ZNF761: variants seen among roughly 807,000 people sequenced by gnomAD.
ZNF761 encodes zinc finger protein 761.
Under a neutral mutation model 59.9 loss-of-function variants are expected in ZNF761, and 43 were observed. That is an observed-to-expected ratio of 0.72 (90% CI 0.56 to 0.92). The LOEUF (loss-of-function observed/expected upper bound fraction) is 0.92, where lower values mean the gene tolerates loss of function less well. ZNF761 is among the 40% of genes least tolerant of loss of function. The probability of loss-of-function intolerance (pLI) is 0.00; values close to 1 mark genes in which losing one functional copy is unlikely to be tolerated. For missense variants in ZNF761, 850 were observed against 906.1 expected (o/e 0.94, Z 0.79); for synonymous variants, 294 against 304.8 (o/e 0.96, Z 0.37).
chr19:53,444,424 A>G (rs2086132759), intron 1 of ZNF761: 2 of 152,230 alleles, frequency 1.3e-5, no homozygotes, highest in Admixed American at 1.3e-4. Context: ...AAAGTCAAAC[A>G]TAAACCTGGC....
chr19:53,442,309 C>A, intron 1 of ZNF761: 2 of 1,257,594 alleles, frequency 1.6e-6, no homozygotes, highest in Non-Finnish European at 2.3e-6. Context: ...GCTGAGCTGG[C>A]AGAGTCCCGT....
chr19:53,449,649 C>T lies in ZNF761; in HGVS notation c.142+11C>T. 1 of 1,601,094 alleles carries T rather than the reference C, an allele frequency of 6.2e-7. No individual in the cohort carries two copies. ...ACCTGGTCTCCCTGGGTGAGGATAA[C>T]TTCCCTCCAGAAGTGGGAATGTGCC... On this transcript the variant is annotated intron_variant, in intron 4 of 4. Coordinates refer to ENST00000684525, the MANE Select transcript of ZNF761 (RefSeq NM_001289951.2).
At position 53,456,931 on chromosome 19, in the gene ZNF761, TAC is replaced by T; in HGVS notation, c.*185_*186del. 2 of 787,532 alleles carry T rather than the reference TAC, an allele frequency of 2.5e-6. No individual in the cohort carries two copies. Among genetic ancestry groups the T allele is most frequent in the Non-Finnish European group, 4.2e-6 (2 of 477,886 alleles). 48.8% of individuals were successfully genotyped at this position (787,532 alleles called of 1,614,324 possible). Reference sequence around the variant, plus strand: ...TAAATGTGAAGAATGTCACAAAGTTTACAGTCGCACATCAAACCGTGAAAGAC... The same window carrying T: ...TAAATGTGAAGAATGTCACAAAGTTTAGTCGCACATCAAACCGTGAAAGAC... On this transcript the variant is annotated 3_prime_UTR_variant, in exon 5 of 5. Transcript: ENST00000684525.
At chr19:53,444,889 T>A (rs1256944373) in intron 1 of ZNF761, 1 of 67,342 alleles carries the variant, frequency 1.5e-5, no homozygotes, top group Non-Finnish European at 4.3e-5. Flanking sequence ...CAAGACTCTT[T>A]ATATTATGTC....
rs753606512 is a variant in ZNF761, at chr19:53,456,429, A to G, written c.1922A>G (p.Lys641Arg). Residue 641 changes from lysine (K) to arginine (R), a missense_variant, in exon 5 of 5, where the codon AAA (lysine) becomes AGA (arginine). By Grantham distance (26) the Lys-to-Arg change is conservative. Coordinates refer to ENST00000684525, the MANE Select transcript of ZNF761 (RefSeq NM_001289951.2). ...EKPYKCEECDKAFRVKSNLEG... is the reference protein window; with the variant it reads ...EKPYKCEECDRAFRVKSNLEG... Reference sequence around the variant, plus strand: ...CCTTACAAATGTGAAGAATGTGACAAAGCTTTCCGTGTGAAATCAAACCTT... The same window carrying G: ...CCTTACAAATGTGAAGAATGTGACAGAGCTTTCCGTGTGAAATCAAACCTT... The G allele has an allele frequency of 1.5e-5, 25 of 1,613,408 alleles. No individual in the cohort carries two copies. The highest frequency in any genetic ancestry group is 1.6e-4 in the Middle Eastern group (1 of 6,074).
At chr19:53,451,777 C>CG (rs2086224421) in intron 4 of ZNF761, among the ~76,000 whole-genome samples, 1 of 141,280 alleles carries the variant, frequency 7.1e-6, no homozygotes, top group South Asian at 2.2e-4. Context: ...TTTTTAGAAA[C>CG]GGGGTTTCAC....
intron 1 of ZNF761, among the ~76,000 whole-genome samples, chr19:53,432,274 C>T (rs1165766101): frequency 6.6e-6 from 1 of 152,164 alleles, no homozygotes; most frequent in African/African-American, 2.4e-5. Context: ...TGTAGTTTTC[C>T]TGCTGTAAAC....
chr19:53,441,153 G>A (rs1296027086), intron 1 of ZNF761, among the ~76,000 whole-genome samples: 1 of 152,106 alleles, frequency 6.6e-6, no homozygotes, highest in Non-Finnish European at 1.5e-5. Context: ...ATGGTGGTGT[G>A]CACCTGTAGT....
At chr19:53,433,045 G>GAC (rs2085991511) in intron 1 of ZNF761, among the ~76,000 whole-genome samples, 1 of 19,798 alleles carries the variant, frequency 5.1e-5, no homozygotes, top group South Asian at 1.1e-3. Context: ...AGTGGGGACA[G>GAC]GGGGGTATAA....
rs775002189 is a variant in ZNF761, at chr19:53,456,682, G to T, written c.2175G>T (p.Lys725Asn). The T allele has an allele frequency of 1.2e-5, 19 of 1,613,200 alleles. No homozygotes were observed. Among genetic ancestry groups the T allele is most frequent in the Non-Finnish European group, 1.5e-5 (18 of 1,179,804 alleles). ...EKPYKCNECGKTFSQKSNLTC... is the reference protein window; with the variant it reads ...EKPYKCNECGNTFSQKSNLTC... The stretch of plus-strand genomic sequence containing the variant: ...CTTACAAGTGTAATGAGTGTGGCAA[G>T]ACCTTTAGTCAGAAGTCAAACCTTA... Residue 725 changes from lysine to asparagine, a missense_variant, in exon 5 of 5, where the codon AAG becomes AAT. Lys to Asn is a moderately conservative substitution (Grantham distance 94). Coordinates refer to ENST00000684525, the MANE Select transcript of ZNF761 (RefSeq NM_001289951.2).
chr19:53,453,890 T>TA (rs11445396), intron 4 of ZNF761, among the ~76,000 whole-genome samples: 67,690 of 151,506 alleles, frequency 0.45, 15,357 homozygotes, highest in Admixed American at 0.55. Flanking sequence ...AATATAAAAA[T>TA]AAAAAAAATG....
chr19:53,448,886 C>T (rs151072726), intron 3 of ZNF761, among the ~76,000 whole-genome samples: 3,275 of 151,994 alleles, frequency 0.022, 141 homozygotes, highest in African/African-American at 0.075. Context: ...AATTCTCCTG[C>T]ATCAGCCTCC....
At chr19:53,437,487 T>C (rs191238497) in intron 1 of ZNF761, among the ~76,000 whole-genome samples, 27 of 152,312 alleles carry the variant, frequency 1.8e-4, no homozygotes, top group African/African-American at 6.0e-4. Flanking sequence ...TATATCTTCT[T>C]GGCACACCAG....
intron 3 of ZNF761, 33 bp downstream of exon 3, chr19:53,447,316 T>A (rs754172575): frequency 6.2e-7 from 1 of 1,611,014 alleles, no homozygotes; most frequent in Non-Finnish European, 8.5e-7. Context: ...TTGTTCTGTC[T>A]CCTTCCTTTC....
At position 53,455,689 on chromosome 19, in the gene ZNF761, G is replaced by T. The variant is rs140310432; in HGVS notation, c.1182G>T (p.Lys394Asn). ...AGTGTGGCAAGACCTTTAGTCACAA[G>T]TCATCCCTTACATGCCATCGTAGAC... ...CNECGKTFSHKSSLTCHRRLH... is the reference protein window; with the variant it reads ...CNECGKTFSHNSSLTCHRRLH... Residue 394 changes from lysine to asparagine, a missense_variant, in exon 5 of 5, where the codon AAG becomes AAT. Physicochemically the swap from Lys to Asn is moderately conservative, Grantham distance 94. Transcript: ENST00000684525. 44 of 1,612,134 alleles carry T rather than the reference G, an allele frequency of 2.7e-5. No individual in the cohort carries two copies. The South Asian group carries it at 4.5e-4, about 17-fold the overall frequency.
chr19:53,435,746 A>C (rs2086035159), intron 1 of ZNF761, among the ~76,000 whole-genome samples: 1 of 151,968 alleles, frequency 6.6e-6, no homozygotes, highest in African/African-American at 2.4e-5. Flanking sequence ...ACCATGGTTA[A>C]GGGGGGTGAC....
chr19:53,454,880 C>G lies in ZNF761; in HGVS notation c.373C>G (p.Arg125Gly). ...KIKKLTGITERYDQSHARNKP... is the reference protein window; with the variant it reads ...KIKKLTGITEGYDQSHARNKP... ...CAAAAAGTTGACAGGTATTACAGAA[C>G]GATATGATCAAAGTCATGCTAGAAA... is the stretch of plus-strand genomic sequence containing the variant. The change falls in exon 5 of 5, where the codon CGA (arginine) becomes GGA (glycine). Residue 125 changes from arginine (R) to glycine (G), a missense_variant. By Grantham distance (125) the Arg-to-Gly change is moderately radical. Coordinates refer to ENST00000684525, the MANE Select transcript of ZNF761 (RefSeq NM_001289951.2). 6.2e-7 allele frequency: 1 copy of G among 1,614,140 alleles called. No individual in the cohort carries two copies.
intron 1 of ZNF761, among the ~76,000 whole-genome samples, chr19:53,439,292 T>C (rs1315456357): frequency 6.8e-6 from 1 of 146,906 alleles, no homozygotes; most frequent in Non-Finnish European, 1.5e-5. Flanking sequence ...AAAAAGATTG[T>C]GGTAGTTGTT....
At chr19:53,444,835 C>T (rs2086138398) in intron 1 of ZNF761, among the ~76,000 whole-genome samples, 1 of 152,056 alleles carries the variant, frequency 6.6e-6, no homozygotes, top group Non-Finnish European at 1.5e-5. Flanking sequence ...GCTGGGTGTT[C>T]CAAAGACCAC....
Sources: allele counts gnomAD v4.1 joint callset (sites outside exome capture counted in the v4.1 genomes callset), GRCh38; gene constraint gnomAD v4.1.1; transcripts MANE v1.5; gene names NCBI Gene and HGNC (gene_info 2026-07-23, HGNC 2026-07-21).